Variants in RAD51B observed in about 807,000 individuals in gnomAD.
The protein encoded by RAD51B is DNA repair protein RAD51 homolog 2.
Under a neutral mutation model 42.2 loss-of-function variants are expected in RAD51B, and 38 were observed. The ratio of observed to expected loss-of-function variants is 0.90; its 90% CI spans 0.70 to 1.18. The LOEUF (loss-of-function observed/expected upper bound fraction) is 1.18. Among genes scored for constraint, RAD51B ranks in the 50% most tolerant of loss-of-function variants. The probability of loss-of-function intolerance (pLI) is 0.00; values close to 1 mark genes in which losing one functional copy is unlikely to be tolerated. For missense variants in RAD51B, 373 were observed against 400.7 expected (o/e 0.93, Z 0.59); for synonymous variants, 154 against 145.2 (o/e 1.06, Z -0.43).
At chr14:68,424,909 G>A (rs1437980689) in intron 9 of RAD51B, among the ~76,000 whole-genome samples, 5 of 152,136 alleles carry the variant, frequency 3.3e-5, no homozygotes, top group African/African-American at 9.6e-5. Flanking sequence ...CAAGTAGCTT[G>A]GACTACAGGC....
rs1005974263 is a variant in RAD51B at position 68,434,552 on chromosome 14, G to A, written c.957+23025G>A. On this transcript the variant is annotated intron_variant, in intron 9 of 10. Coordinates refer to ENST00000471583, the MANE Select transcript of RAD51B (RefSeq NM_133510.4). The stretch of plus-strand genomic sequence containing the variant: ...ATGGGATCCTCCAAGCCAGGCGTGC[G>A]TTATAATCTCCTGGTGTGTCATTTG... Among the ~76,000 whole-genome samples the A allele has an allele frequency of 4.6e-5, 7 of 152,226 alleles. No homozygotes were observed. In the East Asian group the frequency reaches 7.7e-4, roughly 17 times the overall value.
intron 10 of RAD51B, among the ~76,000 whole-genome samples, chr14:68,474,580 T>A (rs745656228): frequency 2.0e-5 from 3 of 152,142 alleles, no homozygotes; most frequent in Admixed American, 6.5e-5. Flanking sequence ...GCCTCAAAAT[T>A]GGGTTTGTAG....
chr14:68,056,687 G>C (rs571950046), intron 7 of RAD51B, among the ~76,000 whole-genome samples: 87 of 152,120 alleles, frequency 5.7e-4, no homozygotes, highest in African/African-American at 2.0e-3. Flanking sequence ...GGCAGAGGTT[G>C]CAGTGAGCCG....
chr14:68,370,478 G>A (rs2083231079), intron 8 of RAD51B, among the ~76,000 whole-genome samples: 1 of 152,202 alleles, frequency 6.6e-6, no homozygotes, highest in South Asian at 2.1e-4. Context: ...TTTATCCTAA[G>A]CATAATGCAA....
chr14:68,041,342 A>G (rs905801227), intron 7 of RAD51B, among the ~76,000 whole-genome samples: 10 of 152,168 alleles, frequency 6.6e-5, no homozygotes, highest in African/African-American at 1.9e-4. Flanking sequence ...GTGAGAATGC[A>G]CTAATACAGT....
intron 7 of RAD51B, among the ~76,000 whole-genome samples, chr14:68,229,861 A>G (rs1275211937): frequency 6.6e-6 from 1 of 152,126 alleles, no homozygotes; most frequent in African/African-American, 2.4e-5. Context: ...TGTGTCATAG[A>G]TCTCTTATAT....
chr14:68,116,896 T>C (rs2140611813), intron 7 of RAD51B, among the ~76,000 whole-genome samples: 1 of 152,304 alleles, frequency 6.6e-6, no homozygotes, highest in Non-Finnish European at 1.5e-5. Context: ...AAATGGGCAA[T>C]ATAATGAGCA....
intron 9 of RAD51B, among the ~76,000 whole-genome samples, chr14:68,438,350 G>A (rs2085197704): frequency 6.6e-6 from 1 of 152,146 alleles, no homozygotes; most frequent in African/African-American, 2.4e-5. Flanking sequence ...GGTGTGGGAA[G>A]GGGGTTGTTC....
At chr14:68,003,068 G>A (rs2075516926) in intron 7 of RAD51B, among the ~76,000 whole-genome samples, 1 of 152,180 alleles carries the variant, frequency 6.6e-6, no homozygotes, top group South Asian at 2.1e-4. Flanking sequence ...TGTGAAGGAT[G>A]TCAATGGTAG....
chr14:68,076,105 C>G (rs2076829676), intron 7 of RAD51B, among the ~76,000 whole-genome samples: 1 of 152,186 alleles, frequency 6.6e-6, no homozygotes, highest in Non-Finnish European at 1.5e-5. Flanking sequence ...CTGGATGGAC[C>G]TGGGGTTAGG....
chr14:68,197,381 A>T (rs2079393875), intron 7 of RAD51B, among the ~76,000 whole-genome samples: 1 of 152,118 alleles, frequency 6.6e-6, no homozygotes, highest in African/African-American at 2.4e-5. Flanking sequence ...TTTAGTAATG[A>T]GTAGTATGCC....
chr14:68,559,657 G>A (rs1889043235), intron 10 of RAD51B, among the ~76,000 whole-genome samples: 1 of 152,150 alleles, frequency 6.6e-6, no homozygotes, highest in Admixed American at 6.5e-5. Flanking sequence ...TGGGTTACAT[G>A]CGTGGGTCAC....
intron 10 of RAD51B, among the ~76,000 whole-genome samples, chr14:68,507,608 G>A (rs993017611): frequency 1.3e-5 from 2 of 152,284 alleles, no homozygotes; most frequent in Non-Finnish European, 1.5e-5. Flanking sequence ...TCCTGGGCAC[G>A]TGACCTCCTC....
intron 10 of RAD51B, among the ~76,000 whole-genome samples, chr14:68,577,590 T>G (rs1890020861): frequency 6.6e-6 from 1 of 152,020 alleles, no homozygotes; most frequent in African/African-American, 2.4e-5. Context: ...ACATGCTCCC[T>G]TCACTTCAGA....
intron 7 of RAD51B, among the ~76,000 whole-genome samples, chr14:68,028,484 G>A (rs1030784081): frequency 2.6e-5 from 4 of 152,128 alleles, no homozygotes; most frequent in African/African-American, 7.2e-5. Context: ...TGTGAGTATG[G>A]GCTCCTCCTC....
At chr14:67,966,057 A>G (rs1261540034) in intron 7 of RAD51B, among the ~76,000 whole-genome samples, 2 of 152,222 alleles carry the variant, frequency 1.3e-5, no homozygotes, top group African/African-American at 4.8e-5. Context: ...GTTAGCATTT[A>G]CTTTTATAGC....
intron 7 of RAD51B, among the ~76,000 whole-genome samples, chr14:68,290,694 A>T (rs532620495): frequency 6.6e-6 from 1 of 152,226 alleles, no homozygotes; most frequent in Non-Finnish European, 1.5e-5. Context: ...TTAGAGTCAA[A>T]CTCATTCATT....
chr14:68,542,428 C>G (rs1888017172), intron 10 of RAD51B, among the ~76,000 whole-genome samples: 1 of 152,180 alleles, frequency 6.6e-6, no homozygotes. Flanking sequence ...TTTTAATCCA[C>G]TTGTCCATTT....
chr14:68,063,668 G>A (rs184678598), intron 7 of RAD51B, among the ~76,000 whole-genome samples: 70 of 152,218 alleles, frequency 4.6e-4, no homozygotes, highest in African/African-American at 1.6e-3. Flanking sequence ...CCCAGGAGGC[G>A]GAGGTTGCAG....
Sources: gnomAD v4.1 joint callset for allele counts (sites outside exome capture counted in the v4.1 genomes callset) on GRCh38, gnomAD v4.1.1 for gene constraint, MANE v1.5 for transcripts, NCBI Gene and HGNC (gene_info 2026-07-23, HGNC 2026-07-21) for gene names.